Variants in RMDN2 observed in about 807,000 individuals in gnomAD.
The protein encoded by RMDN2 is regulator of microtubule dynamics 2.
A neutral mutation model predicts 52.8 loss-of-function variants in RMDN2; 61 were observed. The ratio of observed to expected loss-of-function variants is 1.16; its 90% CI spans 0.94 to 1.43. The LOEUF is 1.43. Ranked by LOEUF, RMDN2 falls within the 40% of genes most tolerant of loss-of-function variation. RMDN2 has a pLI of 0.00. For missense variants in RMDN2, 592 were observed against 475.3 expected (o/e 1.25, Z -2.28); for synonymous variants, 180 against 153.1 (o/e 1.18, Z -1.30).
intron 10 of RMDN2, among the ~76,000 whole-genome samples, chr2:38,014,254 G>A (rs116534985): frequency 0.015 from 2,265 of 152,252 alleles, 56 homozygotes; most frequent in African/African-American, 0.049. Context: ...AGATAGTATA[G>A]ACAGACTTTT....
intron 10 of RMDN2, among the ~76,000 whole-genome samples, chr2:38,033,982 A>G (rs1392928998): frequency 6.6e-6 from 1 of 152,258 alleles, no homozygotes; most frequent in East Asian, 1.9e-4. Flanking sequence ...TAGGCATCCT[A>G]TTAAAAGAAT....
At chr2:37,997,641 C>G (rs1328855882) in intron 8 of RMDN2, 127 bp downstream of exon 8, 10 of 663,756 alleles carry the variant, frequency 1.5e-5, no homozygotes, top group Non-Finnish European at 2.4e-5. Context: ...TTGGCATGTT[C>G]TGTTTTAAGC....
chr2:38,044,171 C>G (rs897076036), intron 10 of RMDN2, among the ~76,000 whole-genome samples: 2 of 151,918 alleles, frequency 1.3e-5, no homozygotes, highest in Non-Finnish European at 2.9e-5. Flanking sequence ...ATACAGAATT[C>G]TAAATTTGTA....
chr2:37,970,588 G>A (rs1254270514), intron 2 of RMDN2, among the ~76,000 whole-genome samples: 1 of 151,978 alleles, frequency 6.6e-6, no homozygotes, highest in Non-Finnish European at 1.5e-5. Context: ...TAATTCTTTA[G>A]AAGAATTTGA....
At chr2:37,965,632 G>C (rs1467550708) in intron 2 of RMDN2, among the ~76,000 whole-genome samples, 3 of 151,982 alleles carry the variant, frequency 2.0e-5, no homozygotes, top group Non-Finnish European at 4.4e-5. Context: ...TGATGTAAAA[G>C]AATAAAAGGT....
At chr2:37,951,770 A>G (rs1668833577) in intron 2 of RMDN2, 1 of 1,613,358 alleles carries the variant, frequency 6.2e-7, no homozygotes, top group African/African-American at 1.3e-5. Flanking sequence ...ATAACACTAA[A>G]AATTTTAAGA....
At chr2:37,970,785 A>G (rs998517564) in intron 2 of RMDN2, among the ~76,000 whole-genome samples, 1 of 152,190 alleles carries the variant, frequency 6.6e-6, no homozygotes, top group African/African-American at 2.4e-5. Context: ...CATAAAGATA[A>G]TAGCTTTATA....
At chr2:37,948,686 C>T (rs1668432572) in intron 2 of RMDN2, among the ~76,000 whole-genome samples, 1 of 152,154 alleles carries the variant, frequency 6.6e-6, no homozygotes, top group Non-Finnish European at 1.5e-5. Flanking sequence ...TAATCAGCTT[C>T]TAGATATTTC....
intron 10 of RMDN2, among the ~76,000 whole-genome samples, chr2:38,009,177 C>T (rs1453989022): frequency 6.6e-6 from 1 of 152,146 alleles, no homozygotes; most frequent in African/African-American, 2.4e-5. Context: ...CTGACAATTA[C>T]ATGTCTTGGA....
intron 10 of RMDN2, among the ~76,000 whole-genome samples, chr2:38,061,662 T>TACACAC (rs1682058369): frequency 2.7e-5 from 4 of 150,110 alleles, no homozygotes; most frequent in Non-Finnish European, 4.5e-5. Context: ...CATACACACA[T>TACACAC]ATACCACTTA....
intron 10 of RMDN2, among the ~76,000 whole-genome samples, chr2:38,047,818 A>G (rs1294854977): frequency 6.6e-6 from 1 of 152,218 alleles, no homozygotes; most frequent in African/African-American, 2.4e-5. Context: ...TATGGCAGAT[A>G]TGTGTGGCTC....
downstream of RMDN2, among the ~76,000 whole-genome samples, chr2:38,020,862 A>C (rs1231493824): frequency 6.6e-6 from 1 of 152,024 alleles, no homozygotes; most frequent in East Asian, 1.9e-4. Flanking sequence ...ACGGTGCGCA[A>C]TTCCATCGAC....
At chr2:37,949,552 C>T (rs1668532167) in intron 2 of RMDN2, among the ~76,000 whole-genome samples, 1 of 152,098 alleles carries the variant, frequency 6.6e-6, no homozygotes, top group South Asian at 2.1e-4. Flanking sequence ...TGCCAGCATC[C>T]ATGATACAGT....
chr2:37,929,560 T>G lies in RMDN2; in HGVS notation c.283T>G (p.Phe95Val), dbSNP rs1430714367. The change falls in exon 2 of 11, where the codon TTT (phenylalanine) becomes GTT (valine). Residue 95 changes from phenylalanine (F) to valine (V), a missense_variant. Physicochemically the swap from Phe to Val is conservative, Grantham distance 50. Coordinates refer to ENST00000354545, the MANE Select transcript of RMDN2 (RefSeq NM_001170791.3). ...NMEELKEEIR[F>V]LKEAIPKLEE... ...GGAAGAACTCAAAGAGGAAATCAGA[T>G]TTCTTAAAGAAGCTATTCCAAAGCT... The G allele has an allele frequency of 1.3e-6, 2 of 1,551,796 alleles. No individual in the cohort carries two copies.
At chr2:37,990,518 CAAA>C (rs397812186) in intron 6 of RMDN2, among the ~76,000 whole-genome samples, 2 of 37,574 alleles carry the variant, frequency 5.3e-5, no homozygotes, top group African/African-American at 9.7e-5. Context: ...GACTCCATCT[CAAA>C]AAAAAAAAAA....
intron 6 of RMDN2, 36 bp downstream of exon 6, chr2:37,989,652 T>A (rs1674499379): frequency 1.5e-6 from 2 of 1,335,356 alleles, no homozygotes; most frequent in Admixed American, 3.7e-5. Flanking sequence ...TCTTTTCAGA[T>A]CCAGACATAT....
At position 37,999,509 on chromosome 2, in the gene RMDN2, A is replaced by G. The variant is rs148961991; in HGVS notation, c.1044+1995A>G. ...AGACTTTAGTCTCAAAATGCCTTCC[A>G]TGTTGTTTGTCAAAGAAAAGAGAGG... is the stretch of plus-strand genomic sequence containing the variant. On this transcript the variant is annotated intron_variant, in intron 8 of 10. Coordinates refer to ENST00000354545, the MANE Select transcript of RMDN2 (RefSeq NM_001170791.3). 3.3e-3 allele frequency among the ~76,000 whole-genome samples: 502 copies of G among 152,228 alleles called. 1 individual carries two copies. The highest frequency in any genetic ancestry group is 0.011 in the African/African-American group (467 of 41,538).
chr2:37,992,755 A>G (rs1674978274), intron 7 of RMDN2, among the ~76,000 whole-genome samples: 1 of 152,250 alleles, frequency 6.6e-6, no homozygotes, highest in African/African-American at 2.4e-5. Context: ...GCTAATGTGT[A>G]CGTGGCTCTT....
At chr2:37,964,939 T>G (rs1209097049) in intron 2 of RMDN2, among the ~76,000 whole-genome samples, 3 of 152,196 alleles carry the variant, frequency 2.0e-5, no homozygotes, top group Non-Finnish European at 4.4e-5. Flanking sequence ...GTGCATTTAG[T>G]GTTATTGTTA....
Sources: gnomAD v4.1 joint callset for allele counts (sites outside exome capture counted in the v4.1 genomes callset) on GRCh38, gnomAD v4.1.1 for gene constraint, MANE v1.5 for transcripts, NCBI Gene and HGNC (gene_info 2026-07-23, HGNC 2026-07-21) for gene names.